Variants in ASAP1 observed in about 807,000 individuals in gnomAD.
ASAP1 encodes the protein ArfGAP with SH3 domain, ankyrin repeat and PH domain 1.
A neutral mutation model predicts 145.2 loss-of-function variants in ASAP1; 43 were observed. The ratio of observed to expected loss-of-function variants is 0.30; its 90% CI spans 0.23 to 0.38. The LOEUF (loss-of-function observed/expected upper bound fraction) is 0.38. ASAP1 is among the 10% of genes least tolerant of loss of function. The pLI is 1.00. For synonymous variants in ASAP1, 546 were observed against 515.5 expected, an observed-to-expected ratio of 1.06 and a Z score of -0.80; for missense variants, 1,018 against 1,355.3, an observed-to-expected ratio of 0.75 and a Z score of 3.91.
intron 3 of ASAP1, among the ~76,000 whole-genome samples, chr8:130,312,483 A>T (rs542838801): frequency 1.3e-5 from 2 of 151,994 alleles, no homozygotes; most frequent in African/African-American, 4.8e-5. Flanking sequence ...TTCTGGTTTT[A>T]AAAAAAATAC....
At chr8:130,160,078 T>G (rs965609838) in intron 11 of ASAP1, 114 bp from the exon 12 acceptor site, 1 of 860,276 alleles carries the variant, frequency 1.2e-6, no homozygotes, top group African/African-American at 1.7e-5. Context: ...ATTATGGAAC[T>G]TTAAGAGCTG....
intron 7 of ASAP1, among the ~76,000 whole-genome samples, chr8:130,181,885 G>C (rs182390103): frequency 2.0e-5 from 3 of 152,136 alleles, no homozygotes; most frequent in Non-Finnish European, 4.4e-5. Context: ...TGATTTATCC[G>C]TCAAGTCTTC....
intron 4 of ASAP1, among the ~76,000 whole-genome samples, chr8:130,226,763 T>G (rs772327774): frequency 2.3e-4 from 35 of 152,216 alleles, no homozygotes; most frequent in Non-Finnish European, 4.9e-4. Context: ...CACCTGAACA[T>G]CACTCTCCTA....
At chr8:130,296,438 C>A (rs528969510) in intron 3 of ASAP1, among the ~76,000 whole-genome samples, 64 of 151,504 alleles carry the variant, frequency 4.2e-4, no homozygotes, top group Non-Finnish European at 8.1e-4. Context: ...TACTCCAGGG[C>A]AAAACTCTGT....
intron 2 of ASAP1, among the ~76,000 whole-genome samples, chr8:130,380,496 G>T (rs1327846604): frequency 6.6e-6 from 1 of 152,290 alleles, no homozygotes; most frequent in Admixed American, 6.5e-5. Context: ...AGGGGACCCA[G>T]GGGGAGCACC....
chr8:130,110,197 G>T (rs77227093), intron 24 of ASAP1, among the ~76,000 whole-genome samples: 1,934 of 152,312 alleles, frequency 0.013, 43 homozygotes, highest in African/African-American at 0.044. Flanking sequence ...AATTACAGAA[G>T]GGGGTGGAGG....
chr8:130,372,168 G>A (rs538120896), intron 2 of ASAP1, among the ~76,000 whole-genome samples: 12 of 152,332 alleles, frequency 7.9e-5, no homozygotes, highest in African/African-American at 2.9e-4. Flanking sequence ...TTTCATCTCA[G>A]AAATTGTTTC....
In ASAP1 at chr8:130,182,842, A is replaced by C. The variant is rs534155258; in HGVS notation, c.531-1962T>G. 4.0e-5 allele frequency among the ~76,000 whole-genome samples: 6 copies of C among 150,972 alleles called. No homozygotes were observed. The South Asian group carries it at 6.2e-4, about 16-fold the overall frequency. On this transcript the variant is annotated intron_variant, in intron 7 of 29. Transcript: ENST00000518721. ...AAACTATAAAAAGGCAAAAAAAAAA[A>C]AAAAAAAACCCAACTGAGCAAAAGA...
chr8:130,276,726 ACACTCTCT>A (rs1310698275), intron 3 of ASAP1, among the ~76,000 whole-genome samples: 95 of 91,816 alleles, frequency 1.0e-3, no homozygotes, highest in African/African-American at 2.5e-3. Flanking sequence ...ACACACACAC[ACACTCTCT>A]CTCTCTCTCT....
At chr8:130,163,192 G>C (rs1212729816) in intron 11 of ASAP1, 2 of 152,234 alleles carry the variant, frequency 1.3e-5, no homozygotes, top group Non-Finnish European at 2.9e-5. Context: ...TCAAAAACAA[G>C]CAACTGTGTA....
At chr8:130,185,299 G>T (rs1019143424) in intron 7 of ASAP1, among the ~76,000 whole-genome samples, 3 of 152,098 alleles carry the variant, frequency 2.0e-5, no homozygotes, top group African/African-American at 7.2e-5. Flanking sequence ...ACATTTCCAG[G>T]TCTGAATAAT....
chr8:130,287,707 G>A (rs1055424862), intron 3 of ASAP1, among the ~76,000 whole-genome samples: 11 of 152,150 alleles, frequency 7.2e-5, no homozygotes, highest in Non-Finnish European at 1.5e-4. Flanking sequence ...CAAACTATCA[G>A]ACACAGATTA....
At chr8:130,072,825 G>GTGCGTGTGCGCGCGCGCGCGCA in intron 27 of ASAP1, among the ~76,000 whole-genome samples, 13,042 of 54,188 alleles carry the variant, frequency 0.24, 1,938 homozygotes, top group East Asian at 0.53. Flanking sequence ...GTGTGTGTGT[G>GTGCGTGTGCGCGCGCGCGCGCA]CGCGCGGGGG....
intron 3 of ASAP1, among the ~76,000 whole-genome samples, chr8:130,299,414 T>C (rs1822485718): frequency 6.6e-6 from 1 of 152,224 alleles, no homozygotes; most frequent in Admixed American, 6.5e-5. Flanking sequence ...GCAATACTAG[T>C]AACTGGACAT....
At chr8:130,436,509 CAT>C (rs1830317720) in intron 1 of ASAP1, among the ~76,000 whole-genome samples, 1 of 152,168 alleles carries the variant, frequency 6.6e-6, no homozygotes, top group Admixed American at 6.6e-5. Context: ...GAGGTTTCAC[CAT>C]GTTGCCGAAG....
intron 5 of ASAP1, among the ~76,000 whole-genome samples, chr8:130,208,999 AG>A (rs1816408301): frequency 6.6e-6 from 1 of 152,214 alleles, no homozygotes; most frequent in South Asian, 2.1e-4. Flanking sequence ...ATCTTTGATT[AG>A]GGGGAATATG....
intron 24 of ASAP1, among the ~76,000 whole-genome samples, chr8:130,096,246 AG>A (rs1455466598): frequency 2.0e-5 from 3 of 152,236 alleles, no homozygotes; most frequent in African/African-American, 7.2e-5. Flanking sequence ...ATTAGTAACC[AG>A]TCCCACAGCA....
chr8:130,098,297 A>C (rs1340527933), intron 24 of ASAP1, among the ~76,000 whole-genome samples: 2 of 152,228 alleles, frequency 1.3e-5, no homozygotes, highest in East Asian at 3.9e-4. Context: ...TCCGGCTAGA[A>C]CTTTCAGGGA....
chr8:130,330,990 G>C (rs1186107393), intron 3 of ASAP1, among the ~76,000 whole-genome samples: 1 of 152,140 alleles, frequency 6.6e-6, no homozygotes, highest in Non-Finnish European at 1.5e-5. Flanking sequence ...TTTGGCATCA[G>C]AAAGACCTTA....
Sources: gnomAD v4.1 joint callset for allele counts (sites outside exome capture counted in the v4.1 genomes callset) on GRCh38, gnomAD v4.1.1 for gene constraint, MANE v1.5 for transcripts, NCBI Gene and HGNC (gene_info 2026-07-23, HGNC 2026-07-21) for gene names.